The following PDE8A variants were observed in gnomAD, a reference collection of about 807,000 sequenced individuals.
The protein encoded by PDE8A is phosphodiesterase 8A.
In PDE8A, 59 loss-of-function variants were observed where a neutral mutation model predicts 105.0. The ratio of observed to expected loss-of-function variants is 0.56; its 90% CI spans 0.46 to 0.70. The LOEUF (loss-of-function observed/expected upper bound fraction) is 0.70, where lower values mean the gene tolerates loss of function less well. Among genes scored for constraint, PDE8A ranks in the 30% least tolerant of loss-of-function variants. PDE8A has a pLI of 0.00. For missense variants in PDE8A, 1,014 were observed against 1,045.9 expected (o/e 0.97, Z 0.42); for synonymous variants, 355 against 371.9 (o/e 0.95, Z 0.52).
At chr15:85,040,379 A>T (rs913824462) in intron 1 of PDE8A, among the ~76,000 whole-genome samples, 1 of 150,772 alleles carries the variant, frequency 6.6e-6, no homozygotes, top group Non-Finnish European at 1.5e-5. Flanking sequence ...CTAAAAAAAA[A>T]AAAAAAAAAA....
At chr15:85,059,841 C>G (rs2081116813) in intron 1 of PDE8A, among the ~76,000 whole-genome samples, 1 of 152,096 alleles carries the variant, frequency 6.6e-6, no homozygotes, top group South Asian at 2.1e-4. Flanking sequence ...GGCTGTGTCT[C>G]TACAAAACAT....
At chr15:85,087,399 C>T (rs2081572132) in intron 6 of PDE8A, among the ~76,000 whole-genome samples, 1 of 152,106 alleles carries the variant, frequency 6.6e-6, no homozygotes, top group African/African-American at 2.4e-5. Context: ...CAGGGTTTTG[C>T]CATGTTGCCC....
intron 1 of PDE8A, among the ~76,000 whole-genome samples, chr15:85,061,568 C>CT (rs1375619572): frequency 6.6e-6 from 1 of 152,174 alleles, no homozygotes; most frequent in East Asian, 1.9e-4. Context: ...CTCTTTTTGT[C>CT]TTTGAGCAGT....
intron 9 of PDE8A, chr15:85,099,732 GT>G (rs1254828074): frequency 9.6e-6 from 4 of 417,580 alleles, no homozygotes; most frequent in African/African-American, 6.1e-5. Context: ...CTCTCAGTTG[GT>G]TAACATGCAG....
intron 5 of PDE8A, among the ~76,000 whole-genome samples, chr15:85,081,619 T>C (rs58905233): frequency 0.085 from 12,994 of 152,204 alleles, 978 homozygotes; most frequent in East Asian, 0.28. Context: ...TAAGCTTGCT[T>C]TCTGAGGATC....
intron 17 of PDE8A, among the ~76,000 whole-genome samples, chr15:85,119,089 C>T (rs570271942): frequency 9.8e-4 from 149 of 152,228 alleles, no homozygotes; most frequent in African/African-American, 3.5e-3. Flanking sequence ...TATGGCTCAG[C>T]ATATAAAGAA....
chr15:84,980,821 CTT>C (rs909119149), upstream of PDE8A: 1 of 152,322 alleles, frequency 6.6e-6, no homozygotes. Flanking sequence ...CCGACTAGCA[CTT>C]TGGTTAAAAT....
chr15:84,995,582 A>C (rs1447594848), intron 1 of PDE8A, among the ~76,000 whole-genome samples: 1 of 152,182 alleles, frequency 6.6e-6, no homozygotes, highest in Non-Finnish European at 1.5e-5. Flanking sequence ...CAGCTTCCCA[A>C]AGTGTTGGGA....
At chr15:85,021,657 C>G (rs1323097797) in intron 1 of PDE8A, among the ~76,000 whole-genome samples, 1 of 152,316 alleles carries the variant, frequency 6.6e-6, no homozygotes, top group South Asian at 2.1e-4. Flanking sequence ...ACTTTCTGAT[C>G]TCATATCCAA....
intron 1 of PDE8A, among the ~76,000 whole-genome samples, chr15:85,033,220 C>G (rs2080645396): frequency 6.6e-6 from 1 of 152,142 alleles, no homozygotes; most frequent in Non-Finnish European, 1.5e-5. Flanking sequence ...GGGACACACC[C>G]TGGGATTCAA....
chr15:85,072,889 G>A (rs2081332039), intron 3 of PDE8A, among the ~76,000 whole-genome samples: 1 of 152,218 alleles, frequency 6.6e-6, no homozygotes. Context: ...AAGGCAGGCA[G>A]ATTGCTTGAG....
At position 85,130,047 on chromosome 15, in the gene PDE8A, T is replaced by C. The variant is rs150837144; in HGVS notation, c.2253+3673T>C. Among the ~76,000 whole-genome samples the C allele has an allele frequency of 3.0e-3, 460 of 152,290 alleles. 3 individuals carry two copies. Among genetic ancestry groups the C allele is most frequent in the African/African-American group, 0.01 (434 of 41,556 alleles). ...CATGGTTCTGCAGGCTGTGCAAGCA[T>C]AGAACTAACATCTGCTCAGCTTCCG... On this transcript the variant is annotated intron_variant, in intron 20 of 21. Coordinates refer to ENST00000394553, the MANE Select transcript of PDE8A (RefSeq NM_002605.3).
rs2081502538 is a variant in PDE8A, at chr15:85,083,617, G to A, written c.608G>A (p.Gly203Glu). Reference sequence around the variant, plus strand: ...AATGAACTGCTCCAGCTGGAGTTTGGAGAGGTGCGATCACAACTGAAACTC... The same window carrying A: ...AATGAACTGCTCCAGCTGGAGTTTGAAGAGGTGCGATCACAACTGAAACTC... ...CYNELLQLEF[G>E]EVRSQLKLRA... Residue 203 changes from glycine (G) to glutamate (E), a missense_variant, in exon 6 of 22, where the codon GGA becomes GAA. Transcript: ENST00000394553. The A allele has an allele frequency of 6.2e-7, 1 of 1,613,318 alleles. No individual in the cohort carries two copies. Among genetic ancestry groups the A allele is most frequent in the Non-Finnish European group, 8.5e-7 (1 of 1,179,326 alleles).
At chr15:85,048,572 C>G (rs1596471512) in intron 1 of PDE8A, among the ~76,000 whole-genome samples, 1 of 152,314 alleles carries the variant, frequency 6.6e-6, no homozygotes, top group East Asian at 1.9e-4. Context: ...TCTCTTCTTC[C>G]TGTCATTTTC....
chr15:85,094,411 G>GC (rs1226793149), intron 8 of PDE8A, among the ~76,000 whole-genome samples: 1 of 152,064 alleles, frequency 6.6e-6, no homozygotes, highest in Admixed American at 6.5e-5. Flanking sequence ...TCTGGCCTTT[G>GC]CCCCCTACTG....
chr15:85,054,973 A>G (rs898244167), intron 1 of PDE8A, among the ~76,000 whole-genome samples: 1 of 150,940 alleles, frequency 6.6e-6, no homozygotes, highest in Non-Finnish European at 1.5e-5. Flanking sequence ...CCCTCTACAC[A>G]CTGCTTTAAA....
At chr15:85,068,289 C>T (rs955154774) in intron 3 of PDE8A, among the ~76,000 whole-genome samples, 4 of 152,146 alleles carry the variant, frequency 2.6e-5, no homozygotes, top group African/African-American at 9.7e-5. Context: ...ATCCATCTGC[C>T]TCAGCCTCCC....
chr15:85,074,532 C>A (rs1434269999), intron 3 of PDE8A, among the ~76,000 whole-genome samples: 1 of 152,164 alleles, frequency 6.6e-6, no homozygotes, highest in Non-Finnish European at 1.5e-5. Flanking sequence ...GAGACCTCGT[C>A]TCTACAAAAA....
In PDE8A at chr15:85,049,034, G is replaced by A. The variant is rs184979681; in HGVS notation, c.187-15336G>A. Among the ~76,000 whole-genome samples the A allele has an allele frequency of 4.6e-5, 7 of 152,256 alleles. No homozygotes were observed. In the East Asian group the frequency reaches 9.6e-4, roughly 21 times the overall value. The stretch of plus-strand genomic sequence containing the variant: ...GGAGAATTGCTTGAATCTGGGAAGT[G>A]GAGGTTGCAGTGAGCTGAGATCGCG... On this transcript the variant is annotated intron_variant, in intron 1 of 21. Coordinates refer to ENST00000394553, the MANE Select transcript of PDE8A (RefSeq NM_002605.3).
Sources: gnomAD v4.1 joint callset for allele counts (sites outside exome capture counted in the v4.1 genomes callset) on GRCh38, gnomAD v4.1.1 for gene constraint, MANE v1.5 for transcripts, NCBI Gene and HGNC (gene_info 2026-07-23, HGNC 2026-07-21) for gene names.